Variants in SPATA17 observed in about 807,000 individuals in gnomAD.
SPATA17 encodes spermatogenesis associated 17.
A neutral mutation model predicts 62.2 loss-of-function variants in SPATA17; 53 were observed. The observed-to-expected ratio is 0.85, with a 90% CI of 0.68 to 1.07. SPATA17 has a LOEUF of 1.07. Among genes scored for constraint, SPATA17 ranks in the 50% least tolerant of loss-of-function variants. The pLI, the probability that SPATA17 is intolerant of heterozygous loss-of-function variation, is 0.00. For synonymous variants in SPATA17, 146 were observed against 146.8 expected (o/e 0.99, Z 0.04); for missense variants, 466 against 425.5 (o/e 1.10, Z -0.84).
chr1:217,789,542 AG>A (rs1350394635), intron 8 of SPATA17, among the ~76,000 whole-genome samples: 1 of 152,218 alleles, frequency 6.6e-6, no homozygotes, highest in Non-Finnish European at 1.5e-5. Context: ...AGTGGCCTGC[AG>A]GTAAGAGTTT....
intron 5 of SPATA17, among the ~76,000 whole-genome samples, chr1:217,698,407 C>A (rs1671511460): frequency 6.6e-6 from 1 of 151,758 alleles, no homozygotes; most frequent in South Asian, 2.1e-4. Flanking sequence ...GCACTCCAGC[C>A]TGGGCAACAG....
rs80154368 is a variant in SPATA17, at chr1:217,861,648, C to T, written c.1006-1126C>T. Among the ~76,000 whole-genome samples, 15 of 152,174 alleles carry T rather than the reference C, an allele frequency of 9.9e-5. No homozygotes were observed. The East Asian group carries it at 2.3e-3, about 24-fold the overall frequency. On this transcript the variant is annotated intron_variant, in intron 9 of 10. Transcript: ENST00000366933. ...GAAGGCAAGAATATAGATGCTCAGC[C>T]CCACAGGAAAATGATATTTCATTAT...
chr1:217,769,540 G>A (rs1673387635), intron 6 of SPATA17, among the ~76,000 whole-genome samples: 1 of 152,186 alleles, frequency 6.6e-6, no homozygotes, highest in Non-Finnish European at 1.5e-5. Flanking sequence ...TGGAGTTCTT[G>A]GAAGAGCTCC....
At position 217,772,299 on chromosome 1, in the gene SPATA17, T is replaced by G. The variant is rs148137100; in HGVS notation, c.520-2035T>G. 2.0e-5 allele frequency among the ~76,000 whole-genome samples: 3 copies of G among 152,202 alleles called. No individual in the cohort carries two copies. The East Asian group carries it at 5.8e-4, about 29-fold the overall frequency. On this transcript the variant is annotated intron_variant, in intron 6 of 10. Transcript: ENST00000366933. Reference sequence around the variant, plus strand: ...AACATGACATTAAAAATGGTTTATATAACTGCCTTTAATGTTTTTCCACAC... The same window carrying G: ...AACATGACATTAAAAATGGTTTATAGAACTGCCTTTAATGTTTTTCCACAC...
intron 9 of SPATA17, among the ~76,000 whole-genome samples, chr1:217,846,285 C>T (rs1675525250): frequency 6.6e-6 from 1 of 151,996 alleles, no homozygotes; most frequent in South Asian, 2.1e-4. Flanking sequence ...TCCTAACCTA[C>T]ATTGCTAAAG....
At chr1:217,767,730 C>A (rs2102967599) in intron 6 of SPATA17, among the ~76,000 whole-genome samples, 1 of 152,258 alleles carries the variant, frequency 6.6e-6, no homozygotes, top group South Asian at 2.1e-4. Flanking sequence ...CTTACATTGG[C>A]CATCTTCCTT....
intron 5 of SPATA17, among the ~76,000 whole-genome samples, chr1:217,713,502 T>A (rs554692942): frequency 1.3e-5 from 2 of 152,314 alleles, no homozygotes; most frequent in Admixed American, 1.3e-4. Flanking sequence ...GTATTGAGTT[T>A]CTCCAAAGAA....
At chr1:217,651,772 A>G (rs1430260142) in intron 3 of SPATA17, among the ~76,000 whole-genome samples, 3 of 152,248 alleles carry the variant, frequency 2.0e-5, no homozygotes, top group African/African-American at 7.2e-5. Context: ...TTGGAAAGCA[A>G]CAAAGATTAC....
intron 5 of SPATA17, among the ~76,000 whole-genome samples, chr1:217,702,409 A>G (rs1416370401): frequency 1.3e-5 from 2 of 152,106 alleles, no homozygotes; most frequent in Non-Finnish European, 2.9e-5. Context: ...TTTGGAAGGT[A>G]TATAATCCAA....
At chr1:217,800,853 G>C (rs1044035966) in intron 8 of SPATA17, among the ~76,000 whole-genome samples, 1 of 152,000 alleles carries the variant, frequency 6.6e-6, no homozygotes, top group Admixed American at 6.6e-5. Context: ...TTTTTAAAAA[G>C]ATTTATTTAC....
In SPATA17 at chr1:217,845,664, A is replaced by C. The variant is rs981954060; in HGVS notation, c.1006-17110A>C. ...AATTTCTCTTAAAAAAATGTGCCCT[A>C]TAAGAAATTCAATTTTAACGCTCGT... On this transcript the variant is annotated intron_variant, in intron 9 of 10. Coordinates refer to ENST00000366933, the MANE Select transcript of SPATA17 (RefSeq NM_138796.4). 4.6e-5 allele frequency among the ~76,000 whole-genome samples: 7 copies of C among 152,196 alleles called. 1 individual carries two copies. The highest frequency in any genetic ancestry group is 4.1e-4 in the South Asian group (2 of 4,824).
intron 5 of SPATA17, among the ~76,000 whole-genome samples, chr1:217,686,759 G>T (rs547423641): frequency 6.6e-6 from 1 of 152,254 alleles, no homozygotes; most frequent in East Asian, 1.9e-4. Flanking sequence ...ACGCCCTGTT[G>T]CCCAGTCTGG....
chr1:217,751,677 T>TA, intron 6 of SPATA17, among the ~76,000 whole-genome samples: 1 of 152,184 alleles, frequency 6.6e-6, no homozygotes, highest in Non-Finnish European at 1.5e-5. Flanking sequence ...GAAGTGGTTT[T>TA]AAAAAAATCT....
At chr1:217,816,256 T>A (rs1350465037) in intron 9 of SPATA17, among the ~76,000 whole-genome samples, 2 of 152,012 alleles carry the variant, frequency 1.3e-5, no homozygotes, top group Admixed American at 1.3e-4. Flanking sequence ...GTTTTGTAAC[T>A]TTTCCAGTTT....
chr1:217,649,078 TC>T (rs1670251539), intron 2 of SPATA17, 107 bp downstream of exon 2: 2 of 709,922 alleles, frequency 2.8e-6, no homozygotes, highest in Admixed American at 3.0e-5. Flanking sequence ...TTTATTTTAC[TC>T]ATAATGTAGT....
chr1:217,749,983 C>A (rs866399548), intron 6 of SPATA17, among the ~76,000 whole-genome samples: 6,613 of 22,434 alleles, frequency 0.29, 546 homozygotes, highest in East Asian at 0.35. Flanking sequence ...CTCTCTCTCT[C>A]TCTATATATA....
At chr1:217,750,012 T>TATATATATATATATATATATAG in intron 6 of SPATA17, among the ~76,000 whole-genome samples, 1 of 133,004 alleles carries the variant, frequency 7.5e-6, no homozygotes, top group Non-Finnish European at 1.6e-5. Flanking sequence ...TATATATATA[T>TATATATATATATATATATATAG]GAGGTAGGTG....
intron 6 of SPATA17, among the ~76,000 whole-genome samples, chr1:217,751,024 T>A (rs1320386188): frequency 2.0e-5 from 3 of 152,226 alleles, no homozygotes; most frequent in Non-Finnish European, 4.4e-5. Flanking sequence ...GTATCCTACC[T>A]TTATGACTGT....
At chr1:217,801,666 T>C (rs1279543307) in intron 8 of SPATA17, 52 bp from the exon 9 acceptor site, 3 of 1,490,368 alleles carry the variant, frequency 2.0e-6, no homozygotes, top group Non-Finnish European at 2.7e-6. Context: ...ATTTTAAAAA[T>C]CAAATGTCTC....
Sources: gnomAD v4.1 joint callset for allele counts (sites outside exome capture counted in the v4.1 genomes callset) on GRCh38, gnomAD v4.1.1 for gene constraint, MANE v1.5 for transcripts, NCBI Gene and HGNC (gene_info 2026-07-23, HGNC 2026-07-21) for gene names.